SASH1: variants seen among roughly 807,000 people sequenced by gnomAD.
The protein encoded by SASH1 is SAM and SH3 domain containing 1.
A neutral mutation model predicts 125.2 loss-of-function variants in SASH1; 44 were observed. That is an observed-to-expected ratio of 0.35 (90% CI 0.28 to 0.45). The LOEUF is 0.45. Ranked by LOEUF, SASH1 falls within the 20% of genes least tolerant of loss-of-function variation. The pLI, the probability that SASH1 is intolerant of heterozygous loss-of-function variation, is 1.00. For missense variants in SASH1, 1,426 were observed against 1,614.5 expected (o/e 0.88, Z 2.00); for synonymous variants, 639 against 649.1 (o/e 0.98, Z 0.24).
intron 1 of SASH1, among the ~76,000 whole-genome samples, chr6:148,346,458 G>A (rs929850075): frequency 3.4e-5 from 5 of 148,616 alleles, no homozygotes; most frequent in Non-Finnish European, 7.4e-5. Flanking sequence ...ATATATAAAT[G>A]GATATAGAAT....
chr6:148,310,269 C>A (rs1780265016), intron 1 of SASH1, among the ~76,000 whole-genome samples: 1 of 152,016 alleles, frequency 6.6e-6, no homozygotes, highest in Non-Finnish European at 1.5e-5. Context: ...TTGCAGTAAG[C>A]CAAGATTGCG....
At chr6:148,462,407 T>A (rs1461830489) in intron 4 of SASH1, among the ~76,000 whole-genome samples, 1 of 152,176 alleles carries the variant, frequency 6.6e-6, no homozygotes, top group Non-Finnish European at 1.5e-5. Flanking sequence ...CATTGCACTT[T>A]TCTGGTGTGC....
chr6:148,543,730 A>C lies in SASH1; in HGVS notation c.2260A>C (p.Ser754Arg). The change falls in exon 18 of 20, where the codon AGC becomes CGC. Residue 754 changes from serine (S) to arginine (R), a missense_variant. By Grantham distance (110) the Ser-to-Arg change is moderately radical (BLOSUM62 -1). This residue lies in a region of SASH1 where 634 missense variants were observed against 694.4 expected (regional missense o/e 0.91). Coordinates refer to ENST00000367467, the MANE Select transcript of SASH1 (RefSeq NM_015278.5). ...ATCTGCCAAGTCATCCACCGAGCCC[A>C]GCTTGAAGTCTTTTAGCAGAAACCA... ...LLSAKSSTEP[S>R]LKSFSRNQLG... The C allele has an allele frequency of 6.3e-7, 1 of 1,589,522 alleles. No homozygotes were observed. The highest frequency in any genetic ancestry group is 1.1e-5 in the South Asian group (1 of 87,714).
At chr6:148,300,256 A>T (rs4435962) in intron 1 of SASH1, among the ~76,000 whole-genome samples, 3 of 151,992 alleles carry the variant, frequency 2.0e-5, no homozygotes, top group African/African-American at 7.3e-5. Flanking sequence ...CTCTATTGTC[A>T]GCCTTGGTAA....
chr6:148,439,775 C>CA (rs34995107), intron 2 of SASH1, among the ~76,000 whole-genome samples: 29,791 of 132,918 alleles, frequency 0.22, 3,024 homozygotes, highest in East Asian at 0.3. Context: ...GACTCTGTCT[C>CA]AAAAAAAAAA....
At chr6:148,243,565 C>T in the SASH1 span, among the ~76,000 whole-genome samples, 7 of 145,646 alleles carry the variant, frequency 4.8e-5, no homozygotes, top group Non-Finnish European at 1.0e-4. Flanking sequence ...ATCGCTTAAA[C>T]CCAGGAGGTG....
At chr6:148,389,155 AT>A (rs1426767160) in intron 1 of SASH1, among the ~76,000 whole-genome samples, 1 of 152,160 alleles carries the variant, frequency 6.6e-6, no homozygotes, top group African/African-American at 2.4e-5. Context: ...ACTGCGAGAA[AT>A]TTTTAGCATT....
At chr6:148,496,128 G>A (rs912544651) in intron 8 of SASH1, among the ~76,000 whole-genome samples, 2 of 152,022 alleles carry the variant, frequency 1.3e-5, no homozygotes, top group East Asian at 1.9e-4. Flanking sequence ...AATTATAGGC[G>A]TGTTTGATAA....
At chr6:148,255,136 T>C in the SASH1 span, among the ~76,000 whole-genome samples, 1 of 152,150 alleles carries the variant, frequency 6.6e-6, no homozygotes, top group African/African-American at 2.4e-5. Context: ...GAGTCCACTG[T>C]TAGTGTGCTA....
chr6:148,510,085 G>GC (rs1345952963), intron 8 of SASH1, among the ~76,000 whole-genome samples: 1 of 152,212 alleles, frequency 6.6e-6, no homozygotes, highest in Non-Finnish European at 1.5e-5. Flanking sequence ...AAACTGTGGA[G>GC]CCAGCTGTCT....
At chr6:148,360,636 A>ACC (rs67278438) in intron 1 of SASH1, among the ~76,000 whole-genome samples, 15,152 of 126,538 alleles carry the variant, frequency 0.12, 1,114 homozygotes, top group South Asian at 0.22. Context: ...GGCGTGAGCC[A>ACC]CCCCCCCGCC....
intron 1 of SASH1, among the ~76,000 whole-genome samples, chr6:148,311,229 C>T (rs1326205537): frequency 6.6e-6 from 1 of 151,988 alleles, no homozygotes; most frequent in Non-Finnish European, 1.5e-5. Flanking sequence ...GCCTCAGCCT[C>T]CCAAGTAGCT....
intron 1 of SASH1, among the ~76,000 whole-genome samples, chr6:148,309,354 A>T (rs6902590): frequency 0.27 from 40,682 of 151,962 alleles, 5,624 homozygotes; most frequent in South Asian, 0.35. Context: ...TTTGCTTATA[A>T]ATCCATGGAG....
chr6:148,368,770 G>GCACGCA (rs1554245333), intron 1 of SASH1, among the ~76,000 whole-genome samples: 1 of 135,728 alleles, frequency 7.4e-6, no homozygotes, highest in Non-Finnish European at 1.6e-5. Flanking sequence ...GCACGCGCGC[G>GCACGCA]CACACACACA....
intron 1 of SASH1, among the ~76,000 whole-genome samples, chr6:148,375,787 A>G (rs1431244640): frequency 1.3e-5 from 2 of 152,164 alleles, no homozygotes; most frequent in Non-Finnish European, 2.9e-5. Context: ...TCTAAATCGG[A>G]TTTTTCCTGT....
chr6:148,318,797 C>T (rs925706971), intron 1 of SASH1, among the ~76,000 whole-genome samples: 6 of 151,906 alleles, frequency 3.9e-5, no homozygotes, highest in Admixed American at 2.6e-4. Context: ...GTGATCCGCC[C>T]GCCTCAGCCT....
chr6:148,481,912 A>G (rs925483086), intron 7 of SASH1, among the ~76,000 whole-genome samples: 2 of 152,314 alleles, frequency 1.3e-5, no homozygotes, highest in Non-Finnish European at 2.9e-5. Context: ...GGCTGCCACA[A>G]ACCTTCAGTT....
intron 2 of SASH1, among the ~76,000 whole-genome samples, chr6:148,407,736 A>G (rs1322283115): frequency 6.6e-6 from 1 of 152,076 alleles, no homozygotes; most frequent in Non-Finnish European, 1.5e-5. Context: ...GAGTTGAAGC[A>G]ATTCTCTTGT....
chr6:148,396,041 G>T lies in SASH1; in HGVS notation c.285+5779G>T, dbSNP rs73603329. 1.7e-3 allele frequency among the ~76,000 whole-genome samples: 252 copies of T among 152,290 alleles called. 1 individual carries two copies. The highest frequency in any genetic ancestry group is 5.9e-3 in the African/African-American group (244 of 41,560). On this transcript the variant is annotated intron_variant, in intron 2 of 19. Coordinates refer to ENST00000367467, the MANE Select transcript of SASH1 (RefSeq NM_015278.5). ...GATGACATACTCATCAGCAGCTGAAGCCTGGCCCAGCTTCTGTGCCAATTT... is the reference window on the plus strand; with the variant it reads ...GATGACATACTCATCAGCAGCTGAATCCTGGCCCAGCTTCTGTGCCAATTT...
Sources: gnomAD v4.1 joint callset for allele counts (sites outside exome capture counted in the v4.1 genomes callset) on GRCh38, gnomAD v4.1.1 for gene constraint, gnomAD v4.1.1 regional missense constraint, MANE v1.5 for transcripts, NCBI Gene and HGNC (gene_info 2026-07-23, HGNC 2026-07-21) for gene names.